CFAP418: variants seen among roughly 807,000 people sequenced by gnomAD.
CFAP418 encodes the protein cilia- and flagella-associated protein 418.
A neutral mutation model predicts 24.7 loss-of-function variants in CFAP418; 27 were observed. The observed-to-expected ratio is 1.09, with a 90% CI of 0.81 to 1.51. The LOEUF (loss-of-function observed/expected upper bound fraction) is 1.51. Among genes scored for constraint, CFAP418 ranks in the 40% most tolerant of loss-of-function variants. The pLI, the probability that CFAP418 is intolerant of heterozygous loss-of-function variation, is 0.00. For synonymous variants in CFAP418, 74 were observed against 87.3 expected (o/e 0.85, Z 0.85); for missense variants, 257 against 255.2 (o/e 1.01, Z -0.05).
chr8:95,263,683 T>G lies in CFAP418; in HGVS notation c.243+4A>C. ...TTACTACATATTTATAACACTTGAC[T>G]TACAGAGGGTTTTTTGTCCAAGTTG... On this transcript the variant is annotated splice_donor_region_variant and intron_variant, in intron 2 of 5. Transcript: ENST00000286688. 4.5e-6 allele frequency: 7 copies of G among 1,562,800 alleles called. No individual in the cohort carries two copies. The highest frequency in any genetic ancestry group is 6.2e-6 in the Non-Finnish European group (7 of 1,134,460).
In CFAP418 at chr8:95,246,877, C is replaced by T. The variant is rs985000337; in HGVS notation, c.*740G>A. On this transcript the variant is annotated 3_prime_UTR_variant, in exon 6 of 6. Coordinates refer to ENST00000286688, the MANE Select transcript of CFAP418 (RefSeq NM_177965.4). ...GATAGAAAGTACTTGGAAAATCCAACAATAACCTGTATGTATTAGGATTTT... is the reference window on the plus strand; with the variant it reads ...GATAGAAAGTACTTGGAAAATCCAATAATAACCTGTATGTATTAGGATTTT... 1 of 152,178 alleles carries T rather than the reference C, an allele frequency of 6.6e-6. No homozygotes were observed. The highest frequency in any genetic ancestry group is 1.5e-5 in the Non-Finnish European group (1 of 68,038). The allele number at this position is 152,178 out of a possible 1,614,324, so 9.4% of individuals were successfully genotyped here.
chr8:95,249,027 T>C (rs915116178), intron 5 of CFAP418, among the ~76,000 whole-genome samples: 1 of 152,130 alleles, frequency 6.6e-6, no homozygotes, highest in South Asian at 2.1e-4. Flanking sequence ...ACGACTTAGC[T>C]AAGGGAAGAA....
chr8:95,249,716 T>C (rs1320468174), intron 5 of CFAP418, among the ~76,000 whole-genome samples: 1 of 152,202 alleles, frequency 6.6e-6, no homozygotes, highest in Non-Finnish European at 1.5e-5. Context: ...CTCTCATCTG[T>C]AAAATAGGAC....
chr8:95,254,242 C>T (rs1046432005), intron 4 of CFAP418, among the ~76,000 whole-genome samples: 1 of 152,164 alleles, frequency 6.6e-6, no homozygotes, highest in Non-Finnish European at 1.5e-5. Flanking sequence ...ATTACTGCCA[C>T]CATGCTTCCT....
In CFAP418 at chr8:95,247,767, G is replaced by C. The variant is rs889964226; in HGVS notation, c.474C>G (p.Asn158Lys). Reference sequence around the variant, plus strand: ...TTAATTTGTGAAATTCTGGCATGTTGTTCCTATTAGTAAAACAGGAAAGTT... The same window carrying C: ...TTAATTTGTGAAATTCTGGCATGTTCTTCCTATTAGTAAAACAGGAAAGTT... ...DKSCDYLFFR[N>K]NMPEFHKLKA... The change falls in exon 6 of 6, where the codon AAC (asparagine) becomes AAG (lysine). Residue 158 changes from asparagine to lysine, a missense_variant. Transcript: ENST00000286688. 2.5e-6 allele frequency: 4 copies of C among 1,598,852 alleles called. No individual in the cohort carries two copies. The highest frequency in any genetic ancestry group is 3.4e-6 in the Non-Finnish European group (4 of 1,172,450).
At chr8:95,252,477 T>C (rs1041775100) in intron 4 of CFAP418, among the ~76,000 whole-genome samples, 194 bp from the exon 5 acceptor site, 1 of 152,246 alleles carries the variant, frequency 6.6e-6, no homozygotes, top group African/African-American at 2.4e-5. Context: ...GGTTAAATTT[T>C]TGCACAAACC....
At chr8:95,268,499 T>A (rs1183675429) in intron 1 of CFAP418, among the ~76,000 whole-genome samples, 1 of 151,648 alleles carries the variant, frequency 6.6e-6, no homozygotes, top group African/African-American at 2.4e-5. Context: ...ACAACAAAAC[T>A]GAGCTAAAGA....
Position 95,246,896 on chromosome 8 carries a change from G to C in CFAP418, c.*721C>G, listed in dbSNP as rs2132150943. ...ATCCAACAATAACCTGTATGTATTA[G>C]GATTTTTGTGATTTTGGGTGCATCA... On this transcript the variant is annotated 3_prime_UTR_variant, in exon 6 of 6. Transcript: ENST00000286688. 6.6e-6 allele frequency: 1 copy of C among 152,264 alleles called. No homozygotes were observed. Among genetic ancestry groups the C allele is most frequent in the Middle Eastern group, 3.4e-3 (1 of 294 alleles). The allele number at this position is 152,264 out of a possible 1,614,324, so 9.4% of individuals were successfully genotyped here.
chr8:95,262,506 AT>A (rs892209709), intron 2 of CFAP418, among the ~76,000 whole-genome samples: 122 of 152,014 alleles, frequency 8.0e-4, no homozygotes, highest in Non-Finnish European at 1.5e-3. Context: ...TATTTCTTAA[AT>A]TTTTTTGTGA....
intron 4 of CFAP418, 80 bp from the exon 5 acceptor site, chr8:95,252,363 G>A: frequency 2.3e-6 from 2 of 852,800 alleles, no homozygotes; most frequent in Non-Finnish European, 3.8e-6. Flanking sequence ...TTTATTTATA[G>A]GATACACCAC....
At chr8:95,256,369 A>T (rs1811791355) in intron 4 of CFAP418, among the ~76,000 whole-genome samples, 1 of 152,254 alleles carries the variant, frequency 6.6e-6, no homozygotes, top group Non-Finnish European at 1.5e-5. Flanking sequence ...GATGAGAAAG[A>T]CACCTTAATT....
At chr8:95,268,858 C>G in intron 1 of CFAP418, 177 bp downstream of exon 1, 1 of 667,350 alleles carries the variant, frequency 1.5e-6, no homozygotes, top group Non-Finnish European at 2.5e-6. Context: ...CCAGAATCCG[C>G]GAAGAGGGTC....
intron 1 of CFAP418, 117 bp downstream of exon 1, chr8:95,268,918 T>G (rs867895136): frequency 3.0e-5 from 34 of 1,148,600 alleles, no homozygotes; most frequent in Non-Finnish European, 3.7e-5. Flanking sequence ...TGAACCCTGA[T>G]GCAAGGAGGG....
At chr8:95,267,426 C>A (rs1346937339) in intron 1 of CFAP418, among the ~76,000 whole-genome samples, 1 of 152,018 alleles carries the variant, frequency 6.6e-6, no homozygotes, top group African/African-American at 2.4e-5. Flanking sequence ...ACGGTGAAAC[C>A]CCGTTTCTAC....
chr8:95,267,231 A>G (rs1384139569), intron 1 of CFAP418, among the ~76,000 whole-genome samples: 2 of 152,242 alleles, frequency 1.3e-5, no homozygotes, highest in Non-Finnish European at 2.9e-5. Context: ...GAACTCAACT[A>G]ATTTTTAGAA....
intron 4 of CFAP418, among the ~76,000 whole-genome samples, chr8:95,257,170 G>GA (rs1811803614): frequency 6.6e-6 from 1 of 152,170 alleles, no homozygotes; most frequent in African/African-American, 2.4e-5. Context: ...GCCTGGAATA[G>GA]AGGAGGCATG....
rs1587355257 is a variant in CFAP418, at chr8:95,260,333, G to A, written c.308+135C>T. 17 of 618,128 alleles carry A rather than the reference G, an allele frequency of 2.8e-5. No individual in the cohort carries two copies. In the East Asian group the frequency reaches 5.2e-4, roughly 19 times the overall value. 38.3% of individuals were successfully genotyped at this position (618,128 alleles called of 1,614,324 possible). A position where few individuals can be genotyped will look rare whatever the true frequency, so the allele number is the denominator to read the frequency against. ...AAGAACACTGAAGATATTGCTATTG[G>A]TCTTTCTCCTGAAGGCCAACCAATG... On this transcript the variant is annotated intron_variant, in intron 3 of 5. Transcript: ENST00000286688.
intron 4 of CFAP418, among the ~76,000 whole-genome samples, chr8:95,256,645 G>A (rs961664297): frequency 6.6e-6 from 1 of 152,138 alleles, no homozygotes; most frequent in African/African-American, 2.4e-5. Context: ...TTCCTTACTG[G>A]CCAGTGTTTT....
At chr8:95,264,971 C>T (rs763371046) in intron 1 of CFAP418, among the ~76,000 whole-genome samples, 1 of 152,172 alleles carries the variant, frequency 6.6e-6, no homozygotes, top group African/African-American at 2.4e-5. Flanking sequence ...TTGAAGCTGC[C>T]ACCCTTTCTT....
Sources: gnomAD v4.1 joint callset for allele counts (sites outside exome capture counted in the v4.1 genomes callset) on GRCh38, gnomAD v4.1.1 for gene constraint, MANE v1.5 for transcripts, NCBI Gene and HGNC (gene_info 2026-07-23, HGNC 2026-07-21) for gene names.